The following CCDC91 variants were observed in gnomAD, a reference collection of about 807,000 sequenced individuals.
The protein encoded by CCDC91 is coiled-coil domain-containing protein 91.
A neutral mutation model predicts 63.2 loss-of-function variants in CCDC91; 48 were observed. The ratio of observed to expected loss-of-function variants is 0.76; its 90% confidence interval spans 0.60 to 0.97. The LOEUF (loss-of-function observed/expected upper bound fraction) is 0.97. Ranked by LOEUF, CCDC91 falls within the 50% of genes least tolerant of loss-of-function variation. CCDC91 has a pLI of 0.00. For synonymous variants in CCDC91, 167 were observed against 165.8 expected, an observed-to-expected ratio of 1.01 and a Z score of -0.06; for missense variants, 500 against 494.6, an observed-to-expected ratio of 1.01 and a Z score of -0.10.
chr12:28,496,947 T>C (rs1376678387), intron 12 of CCDC91, among the ~76,000 whole-genome samples: 3 of 144,936 alleles, frequency 2.1e-5, no homozygotes, highest in African/African-American at 7.8e-5. Context: ...TATATACATA[T>C]ATATATATAT....
At chr12:28,308,533 G>A (rs1938985828) in intron 6 of CCDC91, among the ~76,000 whole-genome samples, 1 of 151,898 alleles carries the variant, frequency 6.6e-6, no homozygotes. Context: ...CCTTAAACTG[G>A]TTTTCAAGGC....
intron 12 of CCDC91, among the ~76,000 whole-genome samples, chr12:28,540,829 T>C (rs1942576150): frequency 6.6e-6 from 1 of 152,056 alleles, no homozygotes; most frequent in Admixed American, 6.6e-5. Flanking sequence ...TCTTTCATAT[T>C]CTCTTGGATT....
Position 28,306,744 on chromosome 12 carries a change from T to C in CCDC91, c.270T>C (p.Ile90=), listed in dbSNP as rs1938779150. The stretch of plus-strand genomic sequence containing the variant: ...ATTTTTTTTTTTATGTGGTTTAGAT[T>C]CAGCAATCAACACACACTCATCTGG... ...IVSQTIPKAQ[I]QQSTHTHLDI... is the part of the protein sequence containing the mutation. The change falls in exon 5 of 13, where the codon ATT becomes ATC. Residue 90 remains isoleucine (I), a splice_region_variant and synonymous_variant. Transcript: ENST00000536442. 2 of 1,600,120 alleles carry C rather than the reference T, an allele frequency of 1.2e-6. No homozygotes were observed. Among genetic ancestry groups the C allele is most frequent in the South Asian group, 2.3e-5 (2 of 88,526 alleles).
chr12:28,273,127 A>G (rs56836667), intron 3 of CCDC91, among the ~76,000 whole-genome samples: 202 of 151,902 alleles, frequency 1.3e-3, no homozygotes, highest in African/African-American at 4.6e-3. Context: ...GCTGAGAATG[A>G]TGGTTTCCAG....
chr12:28,414,292 T>G (rs1451314705), intron 8 of CCDC91, among the ~76,000 whole-genome samples: 1 of 152,094 alleles, frequency 6.6e-6, no homozygotes, highest in Non-Finnish European at 1.5e-5. Flanking sequence ...TAATAAATGA[T>G]TATAGACAAC....
chr12:28,272,814 A>G (rs1947876324), intron 3 of CCDC91, among the ~76,000 whole-genome samples: 2 of 151,938 alleles, frequency 1.3e-5, no homozygotes, highest in African/African-American at 4.8e-5. Context: ...ATTAGAAATG[A>G]TGTCAACTGT....
At chr12:28,518,510 T>G in intron 12 of CCDC91, among the ~76,000 whole-genome samples, 1 of 152,072 alleles carries the variant, frequency 6.6e-6, no homozygotes, top group East Asian at 1.9e-4. Context: ...TTTGTTTTTT[T>G]CTTACTAATT....
chr12:28,340,042 T>G (rs1942302102), intron 6 of CCDC91, among the ~76,000 whole-genome samples: 2 of 152,274 alleles, frequency 1.3e-5, no homozygotes, highest in South Asian at 4.1e-4. Flanking sequence ...ATTTTGACAT[T>G]AAGACCCCTT....
intron 3 of CCDC91, among the ~76,000 whole-genome samples, chr12:28,273,802 C>T (rs1947977012): frequency 6.6e-6 from 1 of 152,118 alleles, no homozygotes; most frequent in Admixed American, 6.6e-5. Flanking sequence ...CCTGTTCACT[C>T]TGATGGTAGT....
chr12:28,250,327 T>C (rs540765285), intron 1 of CCDC91, among the ~76,000 whole-genome samples: 1 of 152,292 alleles, frequency 6.6e-6, no homozygotes, highest in Admixed American at 6.5e-5. Flanking sequence ...TTTATGAATA[T>C]AATGTTTTTT....
chr12:28,282,273 A>G (rs1278093955), intron 3 of CCDC91, among the ~76,000 whole-genome samples: 1 of 152,168 alleles, frequency 6.6e-6, no homozygotes, highest in Non-Finnish European at 1.5e-5. Flanking sequence ...TTGGGGGATA[A>G]TGATGCTATT....
chr12:28,484,076 G>T lies in CCDC91; in HGVS notation c.1126G>T (p.Glu376Ter). The T allele has an allele frequency of 6.2e-7, 1 of 1,611,056 alleles. No homozygotes were observed. The highest frequency in any genetic ancestry group is 1.1e-5 in the South Asian group (1 of 90,602). ...GGAAACTGTTAAGGCAGCAATAATA[G>T]AAGAGCAGAAACGAAGTGAAAAGGC... ...SQETVKAAII[E>*]EQKRSEKAVE... Residue 376 changes from glutamate to a stop codon, truncating the protein, a stop_gained, in exon 12 of 13, where the codon GAA (glutamate) becomes TAA (stop). Coordinates refer to ENST00000536442, the MANE Select transcript of CCDC91 (RefSeq NM_018318.5). LOFTEE classifies it high-confidence loss of function.
chr12:28,537,473 T>C (rs1037313340), intron 12 of CCDC91, among the ~76,000 whole-genome samples: 5 of 152,230 alleles, frequency 3.3e-5, no homozygotes, highest in African/African-American at 1.2e-4. Flanking sequence ...AAGCTGATCA[T>C]GTAAAAACTA....
intron 8 of CCDC91, among the ~76,000 whole-genome samples, chr12:28,427,895 C>T (rs1948413836): frequency 6.6e-6 from 1 of 152,084 alleles, no homozygotes; most frequent in South Asian, 2.1e-4. Context: ...TTATTTCAAA[C>T]TTTAAGCCTT....
chr12:28,337,352 G>T (rs867721040), intron 6 of CCDC91, among the ~76,000 whole-genome samples: 4 of 151,996 alleles, frequency 2.6e-5, no homozygotes, highest in Non-Finnish European at 4.4e-5. Flanking sequence ...TAACAAACCT[G>T]CCCCATTTTA....
intron 6 of CCDC91, among the ~76,000 whole-genome samples, chr12:28,310,048 T>G (rs1309681741): frequency 6.6e-6 from 1 of 152,058 alleles, no homozygotes; most frequent in Non-Finnish European, 1.5e-5. Flanking sequence ...TGAATACTGT[T>G]GGATGAATTG....
At chr12:28,212,069 T>C (rs1453869488) in intron 1 of CCDC91, among the ~76,000 whole-genome samples, 6 of 152,196 alleles carry the variant, frequency 3.9e-5, no homozygotes, top group Admixed American at 2.6e-4. Flanking sequence ...AGTTCTGAAA[T>C]CCAAGAGAGA....
At chr12:28,354,230 C>T (rs867267375) in intron 6 of CCDC91, among the ~76,000 whole-genome samples, 12 of 152,212 alleles carry the variant, frequency 7.9e-5, no homozygotes, top group Middle Eastern at 6.8e-3. Context: ...TATTTCTTTA[C>T]GTCTTCCGGC....
intron 12 of CCDC91, among the ~76,000 whole-genome samples, chr12:28,497,645 T>A (rs769466863): frequency 4.6e-5 from 7 of 151,602 alleles, no homozygotes; most frequent in Non-Finnish European, 1.0e-4. Flanking sequence ...ACATTGAGAT[T>A]GAGTCATAAA....
Sources: gnomAD v4.1 joint callset for allele counts (sites outside exome capture counted in the v4.1 genomes callset) on GRCh38, gnomAD v4.1.1 for gene constraint, MANE v1.5 for transcripts, NCBI Gene and HGNC (gene_info 2026-07-23, HGNC 2026-07-21) for gene names.